The following CLASP1 variants were observed in gnomAD, a reference collection of about 807,000 sequenced individuals.
CLASP1 encodes CLIP-associating protein 1.
In CLASP1, 38 loss-of-function variants were observed where a neutral mutation model predicts 192.3. That is an observed-to-expected ratio of 0.20 (90% CI 0.15 to 0.26). The LOEUF is 0.26. CLASP1 is among the 10% of genes least tolerant of loss of function. The pLI, the probability that CLASP1 is intolerant of heterozygous loss-of-function variation, is 1.00. For missense variants in CLASP1, 1,433 were observed against 1,932.5 expected (o/e 0.74, Z 4.85); for synonymous variants, 691 against 712.8 (o/e 0.97, Z 0.49).
chr2:121,398,442 A>G, intron 28 of CLASP1, 42 bp from the exon 30 acceptor site: 1 of 1,297,734 alleles, frequency 7.7e-7, no homozygotes, highest in Non-Finnish European at 1.1e-6. Flanking sequence ...AAAGAAATTT[A>G]TTACAAAACA....
intron 2 of CLASP1, among the ~76,000 whole-genome samples, chr2:121,594,753 C>T (rs1313833440): frequency 6.6e-6 from 1 of 152,100 alleles, no homozygotes; most frequent in African/African-American, 2.4e-5. Flanking sequence ...AATGAATGAC[C>T]TTGTTTCTAA....
chr2:121,568,201 G>A (rs900918264), intron 2 of CLASP1, among the ~76,000 whole-genome samples: 9 of 152,050 alleles, frequency 5.9e-5, no homozygotes, highest in Admixed American at 4.6e-4. Flanking sequence ...GGCTAATGAC[G>A]TCCAGCCAGA....
chr2:121,392,237 A>C (rs911148045), intron 30 of CLASP1, among the ~76,000 whole-genome samples: 1 of 152,186 alleles, frequency 6.6e-6, no homozygotes, highest in Non-Finnish European at 1.5e-5. Context: ...TAAATTCCAA[A>C]ATGTAAACAT....
intron 1 of CLASP1, among the ~76,000 whole-genome samples, chr2:121,630,381 AACACACAC>A (rs60827939): frequency 0.015 from 2,110 of 138,994 alleles, 18 homozygotes; most frequent in Middle Eastern, 0.033. Flanking sequence ...ATTGGAAAGA[AACACACAC>A]ACACACACAC....
At chr2:121,442,209 T>G (rs2083463785) in intron 19 of CLASP1, among the ~76,000 whole-genome samples, 1 of 152,202 alleles carries the variant, frequency 6.6e-6, no homozygotes, top group African/African-American at 2.4e-5. Context: ...AATCATAAAC[T>G]TCCTCATGTG....
At chr2:121,615,113 G>A (rs2066236848) in intron 1 of CLASP1, among the ~76,000 whole-genome samples, 1 of 152,188 alleles carries the variant, frequency 6.6e-6, no homozygotes, top group South Asian at 2.1e-4. Context: ...GCCAAAGTGG[G>A]CAGATCACCT....
At chr2:121,420,833 G>A (rs554128697) in intron 22 of CLASP1, among the ~76,000 whole-genome samples, 7 of 152,098 alleles carry the variant, frequency 4.6e-5, no homozygotes, top group Non-Finnish European at 8.8e-5. Flanking sequence ...CTAGAACAAC[G>A]GGGAAAAAAA....
chr2:121,534,677 T>A (rs1335020592), intron 2 of CLASP1, among the ~76,000 whole-genome samples: 3 of 151,812 alleles, frequency 2.0e-5, no homozygotes, highest in Non-Finnish European at 4.4e-5. Context: ...AGCTGGGACG[T>A]GTTATCAGCC....
At chr2:121,547,601 A>G (rs1016903248) in intron 2 of CLASP1, among the ~76,000 whole-genome samples, 2 of 151,986 alleles carry the variant, frequency 1.3e-5, no homozygotes, top group African/African-American at 4.8e-5. Flanking sequence ...AAACACTGAG[A>G]TTGTCCCAGA....
At chr2:121,633,781 T>G (rs752508045) in intron 1 of CLASP1, among the ~76,000 whole-genome samples, 1 of 151,326 alleles carries the variant, frequency 6.6e-6, no homozygotes, top group Non-Finnish European at 1.5e-5. Context: ...CAGAGGTGAG[T>G]GGATCATGAG....
intron 39 of CLASP1, among the ~76,000 whole-genome samples, chr2:121,344,124 AG>A (rs890270936): frequency 2.0e-5 from 3 of 151,816 alleles, no homozygotes; most frequent in South Asian, 2.1e-4. Flanking sequence ...AAAAGACTGG[AG>A]GGGGGGAAAA....
chr2:121,616,836 T>C (rs1412711603), intron 1 of CLASP1, among the ~76,000 whole-genome samples: 1 of 152,206 alleles, frequency 6.6e-6, no homozygotes, highest in Non-Finnish European at 1.5e-5. Context: ...GCATTTACTC[T>C]GACAGGTATT....
intron 30 of CLASP1, among the ~76,000 whole-genome samples, chr2:121,396,288 C>T (rs890275259): frequency 1.3e-5 from 2 of 152,102 alleles, no homozygotes; most frequent in African/African-American, 4.8e-5. Flanking sequence ...AAGTAGCACG[C>T]CAGTGGAGAT....
At chr2:121,500,892 C>T (rs2093730361) in intron 8 of CLASP1, among the ~76,000 whole-genome samples, 1 of 152,166 alleles carries the variant, frequency 6.6e-6, no homozygotes, top group Non-Finnish European at 1.5e-5. Flanking sequence ...TGTTTCCATC[C>T]TCAACCCTAA....
intron 8 of CLASP1, chr2:121,470,242 C>T (rs575803332): frequency 1.2e-4 from 63 of 520,676 alleles, no homozygotes; most frequent in Non-Finnish European, 1.4e-4. Flanking sequence ...CATAAAACCA[C>T]CACCTTGAAA....
At chr2:121,427,721 T>C (rs2080689284) in intron 20 of CLASP1, among the ~76,000 whole-genome samples, 1 of 152,198 alleles carries the variant, frequency 6.6e-6, no homozygotes, top group Non-Finnish European at 1.5e-5. Flanking sequence ...TGATTGTAAC[T>C]TACTCATCTC....
intron 2 of CLASP1, among the ~76,000 whole-genome samples, chr2:121,549,888 C>A (rs2057861126): frequency 6.6e-6 from 1 of 151,532 alleles, no homozygotes; most frequent in Non-Finnish European, 1.5e-5. Context: ...TGCCTGTAGT[C>A]CCAGCTACTC....
chr2:121,481,425 A>G (rs1377054344), intron 8 of CLASP1, among the ~76,000 whole-genome samples: 1 of 152,236 alleles, frequency 6.6e-6, no homozygotes, highest in African/African-American at 2.4e-5. Flanking sequence ...CTGATTCCAA[A>G]GGGAAAGTAT....
exon 3 of CLASP1, chr2:121,530,270 C>A: frequency 6.4e-7 from 1 of 1,552,348 alleles, no homozygotes; most frequent in Non-Finnish European, 8.7e-7. Flanking sequence ...CGCCTTGAAC[C>A]GATCCTGCAG....
Sources: allele counts gnomAD v4.1 joint callset (sites outside exome capture counted in the v4.1 genomes callset), GRCh38; gene constraint gnomAD v4.1.1; transcripts MANE v1.5; gene names NCBI Gene and HGNC (gene_info 2026-07-23, HGNC 2026-07-21).